MRC1: variants seen among roughly 807,000 people sequenced by gnomAD.
MRC1 encodes the protein macrophage mannose receptor 1.
Under a neutral mutation model 102.9 loss-of-function variants are expected in MRC1, and 62 were observed. The ratio of observed to expected loss-of-function variants is 0.60; its 90% CI spans 0.49 to 0.74. The LOEUF (loss-of-function observed/expected upper bound fraction) is 0.74. Ranked by LOEUF, MRC1 falls within the 30% of genes least tolerant of loss-of-function variation. The pLI is 0.00. For missense variants in MRC1, 1,237 were observed against 862.8 expected (o/e 1.43, Z -5.43); for synonymous variants, 457 against 298.4 (o/e 1.53, Z -5.48).
intron 1 of MRC1, among the ~76,000 whole-genome samples, chr10:17,811,374 G>A (rs1488258327): frequency 6.6e-6 from 1 of 152,116 alleles, no homozygotes; most frequent in Admixed American, 6.6e-5. Flanking sequence ...TTCTCGGTTT[G>A]CTCAGGAGTG....
chr10:17,871,682 A>T (rs1454979784), intron 14 of MRC1, among the ~76,000 whole-genome samples: 1 of 152,184 alleles, frequency 6.6e-6, no homozygotes, highest in Non-Finnish European at 1.5e-5. Context: ...CTTTGTTGCC[A>T]AGTTTTTCCT....
At chr10:17,895,995 A>AC (rs2130711741) in intron 23 of MRC1, among the ~76,000 whole-genome samples, 2 of 152,364 alleles carry the variant, frequency 1.3e-5, no homozygotes, top group Non-Finnish European at 2.9e-5. Flanking sequence ...GGGGGCTGCC[A>AC]CAGCAGTGGT....
Position 17,866,680 on chromosome 10 carries a change from C to T in MRC1, c.1902C>T (p.His634=). ...VCKHWAEGVT[H]PPKPTTTPEP... ...AGCACTGGGCAGAAGGAGTAACCCA[C>T]CCACCGAAGCCCACGACGACTCCCG... is the stretch of plus-strand genomic sequence containing the variant. The change falls in exon 12 of 30, where the codon CAC becomes CAT. Residue 634 remains histidine, a synonymous_variant. Transcript: ENST00000569591. 2.6e-6 allele frequency: 2 copies of T among 780,818 alleles called. No homozygotes were observed. The highest frequency in any genetic ancestry group is 4.8e-6 in the Non-Finnish European group (2 of 417,970). The allele number at this position is 780,818 out of a possible 1,614,324, so 48.4% of individuals were successfully genotyped here.
At chr10:17,812,806 C>CAA (rs1303062616) in intron 1 of MRC1, among the ~76,000 whole-genome samples, 3 of 151,948 alleles carry the variant, frequency 2.0e-5, no homozygotes, top group Non-Finnish European at 4.4e-5. Context: ...CTCCTGACCT[C>CAA]GTGATCTGCC....
At chr10:17,882,288 T>C (rs941009908) in intron 21 of MRC1, among the ~76,000 whole-genome samples, 47 of 152,208 alleles carry the variant, frequency 3.1e-4, no homozygotes, top group African/African-American at 1.1e-3. Flanking sequence ...CTTTGAAGGA[T>C]CATCCTGTGT....
At position 17,833,690 on chromosome 10, in the gene MRC1, G is replaced by A. The variant is rs782456205; in HGVS notation, c.653G>A (p.Ser218Asn). ...TCTTTCACAGTTGAGGGCAGTGAAA[G>A]CTTATGGAATAAAGACCCGCTGACC... The part of the protein sequence containing the change: ...YCPLKFEGSE[S>N]LWNKDPLTSV... Residue 218 changes from serine (S) to asparagine (N), a missense_variant, in exon 4 of 30, where the codon AGC becomes AAC. Ser to Asn is a conservative substitution (Grantham distance 46, BLOSUM62 1). Coordinates refer to ENST00000569591, the MANE Select transcript of MRC1 (RefSeq NM_002438.4). The A allele has an allele frequency of 2.6e-6, 2 of 781,040 alleles. No individual in the cohort carries two copies. The highest frequency in any genetic ancestry group is 4.8e-5 in the East Asian group (2 of 41,248). The allele number at this position is 781,040 out of a possible 1,614,324, so 48.4% of individuals were successfully genotyped here. A position where few individuals can be genotyped will look rare whatever the true frequency, so the allele number is the denominator to read the frequency against.
At chr10:17,903,629 C>T (rs1250248549) in intron 26 of MRC1, among the ~76,000 whole-genome samples, 1 of 152,102 alleles carries the variant, frequency 6.6e-6, no homozygotes, top group African/African-American at 2.4e-5. Context: ...CTCCTGACCT[C>T]AGGTTATCCA....
In MRC1 at chr10:17,857,884, G is replaced by T. The variant is rs910970734; in HGVS notation, c.1518+1532G>T. Among the ~76,000 whole-genome samples, 23 of 152,218 alleles carry T rather than the reference G, an allele frequency of 1.5e-4. No homozygotes were observed. The East Asian group carries it at 4.2e-3, about 28-fold the overall frequency. ...ATCAGTGTGGGAAACCCTAAACCAAGAAATCAACCTAAAGTGGCCACAGGT... is the reference window on the plus strand; with the variant it reads ...ATCAGTGTGGGAAACCCTAAACCAATAAATCAACCTAAAGTGGCCACAGGT... On this transcript the variant is annotated intron_variant, in intron 9 of 29. Coordinates refer to ENST00000569591, the MANE Select transcript of MRC1 (RefSeq NM_002438.4).
At chr10:17,862,547 T>C (rs1833199743) in intron 10 of MRC1, among the ~76,000 whole-genome samples, 1 of 152,232 alleles carries the variant, frequency 6.6e-6, no homozygotes, top group Admixed American at 6.5e-5. Flanking sequence ...ATTTTATATT[T>C]ATTTTTCCTT....
At chr10:17,852,838 T>G (rs1838937313) in intron 7 of MRC1, 129 bp from the exon 8 acceptor site, 1 of 762,084 alleles carries the variant, frequency 1.3e-6, no homozygotes, top group Non-Finnish European at 2.4e-6. Flanking sequence ...AGGACTATCT[T>G]TCATGATGGT....
intron 22 of MRC1, among the ~76,000 whole-genome samples, chr10:17,887,620 G>T (rs1185511162): frequency 6.6e-6 from 1 of 152,008 alleles, no homozygotes; most frequent in Non-Finnish European, 1.5e-5. Flanking sequence ...GTTGTTTCTA[G>T]AACATAAAGA....
chr10:17,816,031 C>G (rs2130576701), intron 1 of MRC1, among the ~76,000 whole-genome samples: 1 of 152,206 alleles, frequency 6.6e-6, no homozygotes, highest in African/African-American at 2.4e-5. Context: ...ACCATGTTGG[C>G]CAGGCTGATC....
At position 17,853,130 on chromosome 10, in the gene MRC1, G is replaced by A. The variant is rs1838941590; in HGVS notation, c.1407+6G>A. 7 of 780,588 alleles carry A rather than the reference G, an allele frequency of 9.0e-6. No homozygotes were observed. Among genetic ancestry groups the A allele is most frequent in the Non-Finnish European group, 1.4e-5 (6 of 417,864 alleles). 48.4% of individuals were successfully genotyped at this position (780,588 alleles called of 1,614,324 possible). On this transcript the variant is annotated splice_donor_region_variant and intron_variant, in intron 8 of 29. Transcript: ENST00000569591. ...GTGTGGTGATGAAAGGCAAGGTAAG[G>A]CCACTTGAATGACTGATATTTATAA...
chr10:17,903,377 CTTTTCTTTTT>C (rs1202818578), intron 26 of MRC1, among the ~76,000 whole-genome samples: 104 of 121,116 alleles, frequency 8.6e-4, no homozygotes, highest in Middle Eastern at 4.6e-3. Flanking sequence ...TTTTCTTTTT[CTTTTCTTTTT>C]TTTTCTTTTT....
chr10:17,894,394 C>CTTTTTTTTTTTTTTTTTTTTTTTTT (rs34625338), intron 23 of MRC1, 82 bp downstream of exon 23: 8 of 406,310 alleles, frequency 2.0e-5, no homozygotes, highest in South Asian at 9.6e-5. Flanking sequence ...TTCTTTCTTT[C>CTTTTTTTTTTTTTTTTTTTTTTTTT]TTTTTTTTTT....
rs903830972 is a variant in MRC1, at chr10:17,848,985, T to C, written c.1064-594T>C. On this transcript the variant is annotated intron_variant, in intron 6 of 29. Coordinates refer to ENST00000569591, the MANE Select transcript of MRC1 (RefSeq NM_002438.4). ...CCTAATGTCCATAGAATAAAGTAAA[T>C]TCAAATCTTTTAGGGGATGTGTTTA... Among the ~76,000 whole-genome samples, 403 of 152,292 alleles carry C rather than the reference T, an allele frequency of 2.6e-3. 3 individuals are homozygous for C. The highest frequency in any genetic ancestry group is 9.5e-3 in the African/African-American group (393 of 41,560).
chr10:17,909,283 A>AT (rs782711900), intron 28 of MRC1, 23 bp from the exon 29 acceptor site: 91 of 842,480 alleles, frequency 1.1e-4, no homozygotes, highest in African/African-American at 1.0e-3. Context: ...GGTTTTTATA[A>AT]ATTTTTTTTT....
chr10:17,856,861 G>T (rs1833100613), intron 9 of MRC1, among the ~76,000 whole-genome samples: 1 of 152,154 alleles, frequency 6.6e-6, no homozygotes, highest in Non-Finnish European at 1.5e-5. Flanking sequence ...GGTCACCGCA[G>T]TCGGGAGGTA....
intron 2 of MRC1, 150 bp downstream of exon 2, chr10:17,823,625 C>A: frequency 1.4e-6 from 1 of 697,000 alleles, no homozygotes; most frequent in Non-Finnish European, 2.6e-6. Flanking sequence ...TTCTGTAGGA[C>A]TATTCTGAGG....
Sources: allele counts gnomAD v4.1 joint callset (sites outside exome capture counted in the v4.1 genomes callset), GRCh38; gene constraint gnomAD v4.1.1; transcripts MANE v1.5; gene names NCBI Gene and HGNC (gene_info 2026-07-23, HGNC 2026-07-21).